RECK: variants seen among roughly 807,000 people sequenced by gnomAD.
The protein encoded by RECK is reversion-inducing cysteine-rich protein with Kazal motifs.
Under a neutral mutation model 115.1 loss-of-function variants are expected in RECK, and 69 were observed. That is an observed-to-expected ratio of 0.60 (90% CI 0.49 to 0.73). The LOEUF (loss-of-function observed/expected upper bound fraction) is 0.73. RECK is among the 30% of genes least tolerant of loss of function. The pLI is 0.00. For missense variants in RECK, 1,047 were observed against 1,203.7 expected, an observed-to-expected ratio of 0.87 and a Z score of 1.93; for synonymous variants, 414 against 419.7, an observed-to-expected ratio of 0.99 and a Z score of 0.17.
rs1823561692 is a variant in RECK at position 36,101,378 on chromosome 9, TC to T, written c.1299-715del. Among the ~76,000 whole-genome samples the T allele has an allele frequency of 6.6e-5, 10 of 152,364 alleles. No homozygotes were observed. The South Asian group carries it at 2.1e-3, about 32-fold the overall frequency. On this transcript the variant is annotated intron_variant, in intron 11 of 20. Transcript: ENST00000377966. ...TAATCTGCCCATTGTTCTTCACATA[TC>T]TTTTTTTCCAAAAGTTTTCCAAAAC...
rs536245963 is a variant in RECK at position 36,110,715 on chromosome 9, G to A, written c.1888+636G>A. ...TTTGGTTGTGGGTAAAAAGTTACTA[G>A]GTAGCTGCCCTTGCCCCCATTTCAC... On this transcript the variant is annotated intron_variant, in intron 15 of 20. Transcript: ENST00000377966. Among the ~76,000 whole-genome samples the A allele has an allele frequency of 3.3e-5, 5 of 152,168 alleles. No individual in the cohort carries two copies. In the South Asian group the frequency reaches 8.3e-4, roughly 25 times the overall value.
Position 36,052,306 on chromosome 9 carries a change from C to T in RECK, c.142C>T (p.Arg48Cys), listed in dbSNP as rs1262032671. Residue 48 changes from arginine to cysteine, a missense_variant, in exon 2 of 21, where the codon CGT becomes TGT. Transcript: ENST00000377966. ...TCATTCAAAGGATAACCAAATGTGC[C>T]GTGATGTATGTGAACAGGTAAGATT... ...CNHSKDNQMC[R>C]DVCEQIFSSK... 1 of 1,608,770 alleles carries T rather than the reference C, an allele frequency of 6.2e-7. No individual in the cohort carries two copies. Among genetic ancestry groups the T allele is most frequent in the Admixed American group, 1.7e-5 (1 of 59,912 alleles).
rs764195982 is a variant in RECK at position 36,112,297 on chromosome 9, C to T, written c.1889-8C>T. 1.9e-6 allele frequency: 3 copies of T among 1,611,892 alleles called. No homozygotes were observed. The Admixed American group carries it at 5.0e-5, about 27-fold the overall frequency. On this transcript the variant is annotated splice_region_variant and splice_polypyrimidine_tract_variant and intron_variant, in intron 15 of 20. Transcript: ENST00000377966. ...ATACATATTTTTGAGGCTGTTTCCT[C>T]TCCTCAGGTCTGCCCTGTAACTGTG...
chr9:36,105,215 A>G lies in RECK; in HGVS notation c.1508A>G (p.Glu503Gly). Residue 503 changes from glutamate to glycine, a missense_variant, in exon 13 of 21, where the codon GAG becomes GGG. Glu to Gly is a moderately conservative substitution (Grantham distance 98, BLOSUM62 -2). Coordinates refer to ENST00000377966, the MANE Select transcript of RECK (RefSeq NM_021111.3). ...PCNPNPCPAN[E>G]LCEVNRKGCP... ...AACCCAAATCCTTGCCCTGCCAATGAGCTCTGTGAAGTAAACCGAAAAGGA... is the reference window on the plus strand; with the variant it reads ...AACCCAAATCCTTGCCCTGCCAATGGGCTCTGTGAAGTAAACCGAAAAGGA... The G allele has an allele frequency of 6.2e-7, 1 of 1,614,020 alleles. No homozygotes were observed. Among genetic ancestry groups the G allele is most frequent in the East Asian group, 2.2e-5 (1 of 44,874 alleles).
chr9:36,051,011 T>C (rs1035089384), intron 1 of RECK, among the ~76,000 whole-genome samples: 3 of 152,180 alleles, frequency 2.0e-5, no homozygotes, highest in African/African-American at 7.2e-5. Flanking sequence ...TGTCTCCATA[T>C]ATATATATGT....
In RECK at chr9:36,066,978, T is replaced by C. The variant is rs540306253; in HGVS notation, c.405+1354T>C. Reference sequence around the variant, plus strand: ...ATTAAGCAACCATTTTCCAAAAATCTGTATGGCAAAAGGATCCTTTTGTTT... The same window carrying C: ...ATTAAGCAACCATTTTCCAAAAATCCGTATGGCAAAAGGATCCTTTTGTTT... On this transcript the variant is annotated intron_variant, in intron 6 of 20. Coordinates refer to ENST00000377966, the MANE Select transcript of RECK (RefSeq NM_021111.3). 3.7e-4 allele frequency: 202 copies of C among 552,630 alleles called. No individual in the cohort carries two copies. In the African/African-American group the frequency reaches 3.8e-3, roughly 11 times the overall value. The allele number at this position is 552,630 out of a possible 1,614,324, so 34.2% of individuals were successfully genotyped here. A position where few individuals can be genotyped will look rare whatever the true frequency, so the allele number is the denominator to read the frequency against.
chr9:36,043,266 TCTCCTGAC>T (rs1367310145), intron 1 of RECK, among the ~76,000 whole-genome samples: 3 of 144,526 alleles, frequency 2.1e-5, no homozygotes, highest in Non-Finnish European at 3.0e-5. Context: ...ATGGTCTCAA[TCTCCTGAC>T]CTCCTGATCC....
Position 36,065,596 on chromosome 9 carries a change from T to C in RECK, c.377T>C (p.Ile126Thr), listed in dbSNP as rs1821962855. The C allele has an allele frequency of 3.8e-6, 6 of 1,587,522 alleles. No homozygotes were observed. The African/African-American group carries it at 4.1e-5, about 11-fold the overall frequency. ...ACKQASSKND[I>T]SKVCRKEYEN... ...TTTTAGGCATCTTCAAAGAATGATA[T>C]TTCCAAAGTTTGCAGAAAAGAATAT... The change falls in exon 6 of 21, where the codon ATT (isoleucine) becomes ACT (threonine). Residue 126 changes from isoleucine (I) to threonine (T), a missense_variant. Physicochemically the swap from Ile to Thr is moderately conservative, Grantham distance 89. Coordinates refer to ENST00000377966, the MANE Select transcript of RECK (RefSeq NM_021111.3).
intron 6 of RECK, among the ~76,000 whole-genome samples, chr9:36,070,516 A>G (rs975647762): frequency 7.9e-5 from 12 of 152,100 alleles, no homozygotes; most frequent in Admixed American, 5.9e-4. Flanking sequence ...TCTTTTGAAA[A>G]AAAAAAAATA....
chr9:36,069,879 AAAG>A lies in RECK; in HGVS notation c.405+4260_405+4262del, dbSNP rs548315516. 8.5e-5 allele frequency among the ~76,000 whole-genome samples: 13 copies of A among 152,330 alleles called. No individual in the cohort carries two copies. The East Asian group carries it at 2.5e-3, about 29-fold the overall frequency. ...AGTCAGAAAAAAAGGCATTGCCTTC[AAAG>A]AAGACCAACGACTGATTTCCCAGTA... On this transcript the variant is annotated intron_variant, in intron 6 of 20. Coordinates refer to ENST00000377966, the MANE Select transcript of RECK (RefSeq NM_021111.3).
chr9:36,049,431 T>G (rs924060126), intron 1 of RECK, among the ~76,000 whole-genome samples: 1 of 152,162 alleles, frequency 6.6e-6, no homozygotes, highest in Non-Finnish European at 1.5e-5. Flanking sequence ...GTGTCTAATC[T>G]TTTGGCTTCC....
intron 18 of RECK, 104 bp downstream of exon 18, chr9:36,119,071 A>C: frequency 8.6e-7 from 1 of 1,168,124 alleles, no homozygotes; most frequent in South Asian, 1.5e-5. Flanking sequence ...CGTTTTTCAG[A>C]AAGTCTTGAA....
At chr9:36,045,796 G>A (rs1352329627) in intron 1 of RECK, among the ~76,000 whole-genome samples, 2 of 151,960 alleles carry the variant, frequency 1.3e-5, no homozygotes, top group Non-Finnish European at 2.9e-5. Flanking sequence ...TCTGCATGTG[G>A]CTGGAGCATG....
At chr9:36,065,666 GT>G in intron 6 of RECK, 42 bp downstream of exon 6, 1 of 1,420,026 alleles carries the variant, frequency 7.0e-7, no homozygotes, top group Non-Finnish European at 9.4e-7. Flanking sequence ...CTATTCAGAT[GT>G]TATCAGAATT....
rs770364584 is a variant in RECK, at chr9:36,105,291, G to T, written c.1576+8G>T. 6.2e-7 allele frequency: 1 copy of T among 1,613,756 alleles called. No individual in the cohort carries two copies. The highest frequency in any genetic ancestry group is 1.3e-5 in the African/African-American group (1 of 74,936). On this transcript the variant is annotated splice_region_variant and intron_variant, in intron 13 of 20. Coordinates refer to ENST00000377966, the MANE Select transcript of RECK (RefSeq NM_021111.3). ...CATACTTTTGTGTTCAAGGTAAGAG[G>T]TAGGTGGGTGTGAGAAGAGGATGGA... is the stretch of plus-strand genomic sequence containing the variant.
intron 6 of RECK, among the ~76,000 whole-genome samples, chr9:36,076,451 T>C (rs954727484): frequency 6.6e-6 from 1 of 152,242 alleles, no homozygotes; most frequent in Admixed American, 6.5e-5. Context: ...CACATAGGGT[T>C]CCCTCAACTT....
At chr9:36,116,279 C>T (rs1234955198) in intron 16 of RECK, among the ~76,000 whole-genome samples, 2 of 152,132 alleles carry the variant, frequency 1.3e-5, no homozygotes, top group Non-Finnish European at 2.9e-5. Flanking sequence ...CAGGCATGCG[C>T]CACCATGCCT....
Position 36,120,666 on chromosome 9 carries a change from C to G in RECK, c.2468C>G (p.Ala823Gly), listed in dbSNP as rs1293579752. The G allele has an allele frequency of 5.0e-6, 8 of 1,611,662 alleles. No homozygotes were observed. In the South Asian group the frequency reaches 6.6e-5, roughly 13 times the overall value. Residue 823 changes from alanine to glycine, a missense_variant, in exon 19 of 21, where the codon GCT becomes GGT. Ala to Gly is a moderately conservative substitution (Grantham distance 60). Coordinates refer to ENST00000377966, the MANE Select transcript of RECK (RefSeq NM_021111.3). ...TAAAATGGTTTCTGTTATACAGGTGCTTGTTGCCCATTATGTGCTGGGATG... is the reference window on the plus strand; with the variant it reads ...TAAAATGGTTTCTGTTATACAGGTGGTTGTTGCCCATTATGTGCTGGGATG... ...AGCKPIIPPG[A>G]CCPLCAGMLR...
At chr9:36,080,440 T>G (rs1822640116) in intron 6 of RECK, among the ~76,000 whole-genome samples, 165 bp from the exon 7 acceptor site, 1 of 152,208 alleles carries the variant, frequency 6.6e-6, no homozygotes, top group African/African-American at 2.4e-5. Context: ...TGGTTTCCCT[T>G]TTTACCAGAA....
Sources: gnomAD v4.1 joint callset for allele counts (sites outside exome capture counted in the v4.1 genomes callset) on GRCh38, gnomAD v4.1.1 for gene constraint, MANE v1.5 for transcripts, NCBI Gene and HGNC (gene_info 2026-07-23, HGNC 2026-07-21) for gene names.